Variants in COL15A1 observed in about 807,000 individuals in gnomAD.
COL15A1 encodes collagen alpha-1(XV) chain.
Under a neutral mutation model 165.9 loss-of-function variants are expected in COL15A1, and 111 were observed. The ratio of observed to expected loss-of-function variants is 0.67; its 90% CI spans 0.57 to 0.78. The LOEUF (loss-of-function observed/expected upper bound fraction) is 0.78. Ranked by LOEUF, COL15A1 falls within the 30% of genes least tolerant of loss-of-function variation. The pLI, the probability that COL15A1 is intolerant of heterozygous loss-of-function variation, is 0.00. For synonymous variants in COL15A1, 659 were observed against 674.8 expected, an observed-to-expected ratio of 0.98 and a Z score of 0.36; for missense variants, 1,745 against 1,789.7, an observed-to-expected ratio of 0.98 and a Z score of 0.45.
intron 35 of COL15A1, among the ~76,000 whole-genome samples, chr9:99,056,709 C>G (rs1296211959): frequency 6.6e-6 from 1 of 152,186 alleles, no homozygotes; most frequent in Non-Finnish European, 1.5e-5. Context: ...TCTCTTTTCT[C>G]TCTTTCCCTC....
At chr9:99,013,951 AG>A (rs1332704336) in intron 9 of COL15A1, among the ~76,000 whole-genome samples, 1 of 151,828 alleles carries the variant, frequency 6.6e-6, no homozygotes, top group Non-Finnish European at 1.5e-5. Context: ...ACAGGAAGCA[AG>A]GATAGCAAAC....
At chr9:99,017,545 A>G (rs1838957186) in intron 11 of COL15A1, among the ~76,000 whole-genome samples, 1 of 152,198 alleles carries the variant, frequency 6.6e-6, no homozygotes, top group Non-Finnish European at 1.5e-5. Flanking sequence ...CTGGTCACGC[A>G]TTAGAGATGG....
chr9:98,944,692 C>G (rs1078205), intron 2 of COL15A1, among the ~76,000 whole-genome samples: 46,053 of 152,020 alleles, frequency 0.3, 7,306 homozygotes, highest in Non-Finnish European at 0.36. Flanking sequence ...GGGGCTTTTG[C>G]TGCTCAAGAA....
intron 2 of COL15A1, among the ~76,000 whole-genome samples, chr9:98,971,582 G>C (rs1346645662): frequency 6.6e-6 from 1 of 152,158 alleles, no homozygotes; most frequent in Non-Finnish European, 1.5e-5. Context: ...GGGTGGCTTT[G>C]TGCCCAGGAT....
At chr9:99,036,539 A>T in intron 21 of COL15A1, 143 bp downstream of exon 21, 2 of 730,034 alleles carry the variant, frequency 2.7e-6, no homozygotes, top group Non-Finnish European at 4.5e-6. Context: ...ACCTGCCAGC[A>T]CCTACCTGTT....
intron 40 of COL15A1, 69 bp from the exon 41 acceptor site, chr9:99,068,486 A>AAAAG: frequency 1.6e-6 from 1 of 621,358 alleles, no homozygotes. Context: ...AAAAAAAAAA[A>AAAAG]GAGTAAAAAT....
At chr9:99,057,809 G>A (rs1373929362) in intron 35 of COL15A1, among the ~76,000 whole-genome samples, 1 of 152,206 alleles carries the variant, frequency 6.6e-6, no homozygotes, top group Non-Finnish European at 1.5e-5. Context: ...TATGGTGGAA[G>A]CATACCTGGA....
chr9:99,015,984 T>C lies in COL15A1; in HGVS notation c.1512T>C (p.Gly504=). 1 of 1,613,430 alleles carries C rather than the reference T, an allele frequency of 6.2e-7. No individual in the cohort carries two copies. Among genetic ancestry groups the C allele is most frequent in the Non-Finnish European group, 8.5e-7 (1 of 1,179,728 alleles). The part of the protein sequence containing the change: ...APERAVTSGP[G]DEEDLAAATT... ...GCTGGTTTTGTTTTCAGGGTCCTGG[T>C]GATGAAGAAGACTTGGCAGCAGCCA... The change falls in exon 11 of 42, where the codon GGT becomes GGC. Residue 504 remains glycine (G), a synonymous_variant. Coordinates refer to ENST00000375001, the MANE Select transcript of COL15A1 (RefSeq NM_001855.5).
intron 2 of COL15A1, among the ~76,000 whole-genome samples, chr9:98,982,637 G>C (rs1179302729): frequency 7.5e-6 from 1 of 133,554 alleles, no homozygotes; most frequent in Non-Finnish European, 1.6e-5. Flanking sequence ...GATGATGATG[G>C]CTGCCTTTTT....
intron 22 of COL15A1, among the ~76,000 whole-genome samples, chr9:99,039,544 A>C (rs1174627351): frequency 2.0e-5 from 3 of 152,196 alleles, no homozygotes; most frequent in African/African-American, 7.2e-5. Context: ...AATATACATT[A>C]TTTCTGCAAG....
intron 16 of COL15A1, among the ~76,000 whole-genome samples, chr9:99,027,247 G>T (rs1445203514): frequency 6.6e-6 from 1 of 152,182 alleles, no homozygotes; most frequent in African/African-American, 2.4e-5. Context: ...TCTCAGCTGG[G>T]ATCAGAAGTG....
intron 2 of COL15A1, among the ~76,000 whole-genome samples, chr9:98,946,062 C>T (rs72737261): frequency 0.018 from 2,770 of 152,274 alleles, 37 homozygotes; most frequent in Middle Eastern, 0.044. Flanking sequence ...GGATGTGAAA[C>T]GATTCCTAAA....
intron 28 of COL15A1, among the ~76,000 whole-genome samples, chr9:99,048,548 T>C (rs1339586111): frequency 6.6e-6 from 1 of 152,156 alleles, no homozygotes; most frequent in Admixed American, 6.5e-5. Flanking sequence ...TGTTTTGTTT[T>C]ATTATTATTA....
In COL15A1 at chr9:98,996,956, C is replaced by A. The variant is rs748246605; in HGVS notation, c.827C>A (p.Pro276His). Reference sequence around the variant, plus strand: ...CAGCCCAAAGAAGCAAAAGTTGAACCCATAAACACACCTCCAACTCCATCC... The same window carrying A: ...CAGCCCAAAGAAGCAAAAGTTGAACACATAAACACACCTCCAACTCCATCC... ...QASPKEAKVEPINTPPTPSSP... is the reference protein window; with the variant it reads ...QASPKEAKVEHINTPPTPSSP... The change falls in exon 6 of 42, where the codon CCC (proline) becomes CAC (histidine). Residue 276 changes from proline to histidine, a missense_variant. By Grantham distance (77) the Pro-to-His change is moderately conservative. Transcript: ENST00000375001. 12 of 1,614,042 alleles carry A rather than the reference C, an allele frequency of 7.4e-6. No individual in the cohort carries two copies. In the African/African-American group the frequency reaches 1.5e-4, roughly 20 times the overall value.
At chr9:98,969,374 C>A (rs1292395859) in intron 2 of COL15A1, among the ~76,000 whole-genome samples, 1 of 152,224 alleles carries the variant, frequency 6.6e-6, no homozygotes, top group East Asian at 1.9e-4. Context: ...TCTTGCGGAT[C>A]GAGAAACTCT....
In COL15A1 at chr9:99,013,364, C is replaced by G. The variant is rs1330651306; in HGVS notation, c.1354-2053C>G. Among the ~76,000 whole-genome samples the G allele has an allele frequency of 2.0e-5, 3 of 152,226 alleles. No individual in the cohort carries two copies. In the East Asian group the frequency reaches 5.8e-4, roughly 29 times the overall value. Reference sequence around the variant, plus strand: ...TTTCAGCTGGGAGGTGCAAAATGCCCTTTCTCTTTGAAGCTGAGGAAACTC... The same window carrying G: ...TTTCAGCTGGGAGGTGCAAAATGCCGTTTCTCTTTGAAGCTGAGGAAACTC... On this transcript the variant is annotated intron_variant, in intron 9 of 41. Coordinates refer to ENST00000375001, the MANE Select transcript of COL15A1 (RefSeq NM_001855.5).
At position 99,012,703 on chromosome 9, in the gene COL15A1, C is replaced by CTT. The variant is rs1156464062; in HGVS notation, c.1354-2689_1354-2688dup. ...ATTCTTAGATTATTTGTTTCCCACC[C>CTT]TTTTTTTTTTTTTTTTTTTTTTTTT... On this transcript the variant is annotated intron_variant, in intron 9 of 41. Coordinates refer to ENST00000375001, the MANE Select transcript of COL15A1 (RefSeq NM_001855.5). Among the ~76,000 whole-genome samples, 170 of 99,786 alleles carry CTT rather than the reference C, an allele frequency of 1.7e-3. 18 individuals are homozygous for CTT. The highest frequency in any genetic ancestry group is 5.6e-3 in the African/African-American group (131 of 23,564). 65.5% of individuals were successfully genotyped at this position (99,786 alleles called of 152,430 possible).
chr9:98,990,289 G>A (rs575013503), intron 5 of COL15A1, among the ~76,000 whole-genome samples: 5 of 152,344 alleles, frequency 3.3e-5, no homozygotes, highest in African/African-American at 1.2e-4. Context: ...CCGGACTGGG[G>A]TAACAGCATG....
At chr9:98,989,953 AAGC>A (rs1226839803) in intron 5 of COL15A1, among the ~76,000 whole-genome samples, 3 of 152,192 alleles carry the variant, frequency 2.0e-5, no homozygotes, top group Admixed American at 2.0e-4. Context: ...TGAAAACAGC[AAGC>A]AGCAGCAGAG....
Sources: gnomAD v4.1 joint callset for allele counts (sites outside exome capture counted in the v4.1 genomes callset) on GRCh38, gnomAD v4.1.1 for gene constraint, MANE v1.5 for transcripts, NCBI Gene and HGNC (gene_info 2026-07-23, HGNC 2026-07-21) for gene names.